The following L3MBTL4 variants were observed in gnomAD, a reference collection of about 807,000 sequenced individuals.
L3MBTL4 encodes lethal(3)malignant brain tumor-like protein 4.
Under a neutral mutation model 84.5 loss-of-function variants are expected in L3MBTL4, and 70 were observed. That is an observed-to-expected ratio of 0.83 (90% CI 0.68 to 1.01). The LOEUF (loss-of-function observed/expected upper bound fraction) is 1.01, where lower values mean the gene tolerates loss of function less well. L3MBTL4 is among the 50% of genes least tolerant of loss of function. L3MBTL4 has a pLI of 0.00. For synonymous variants in L3MBTL4, 274 were observed against 259.8 expected (o/e 1.05, Z -0.52); for missense variants, 715 against 754.8 (o/e 0.95, Z 0.62).
rs149107499 is a variant in L3MBTL4, at chr18:6,275,644, A to G, written c.128-11606T>C. On this transcript the variant is annotated intron_variant, in intron 4 of 18. Transcript: ENST00000317931. The stretch of plus-strand genomic sequence containing the variant: ...TGTGCATGTGGAAACATGCACTAAA[A>G]TGGTACCTTCACATGTGGCAAACTC... Among the ~76,000 whole-genome samples the G allele has an allele frequency of 1.4e-3, 214 of 152,294 alleles. 1 individual carries two copies. The highest frequency in any genetic ancestry group is 5.0e-3 in the African/African-American group (206 of 41,580).
intron 16 of L3MBTL4, among the ~76,000 whole-genome samples, chr18:6,000,113 GA>G (rs990356379): frequency 6.7e-6 from 1 of 149,316 alleles, no homozygotes; most frequent in East Asian, 1.9e-4. Flanking sequence ...AGAAGAAAAA[GA>G]AAAAAAAATG....
intron 16 of L3MBTL4, among the ~76,000 whole-genome samples, chr18:6,071,249 G>C (rs556576715): frequency 6.1e-4 from 93 of 152,002 alleles, no homozygotes; most frequent in African/African-American, 2.0e-3. Flanking sequence ...AAATTAGCTG[G>C]GCATGGTGGT....
At chr18:6,335,631 C>T (rs1266761252) in intron 1 of L3MBTL4, among the ~76,000 whole-genome samples, 1 of 152,098 alleles carries the variant, frequency 6.6e-6, no homozygotes, top group Non-Finnish European at 1.5e-5. Flanking sequence ...CCCCCTAATC[C>T]TCCACATGTC....
intron 14 of L3MBTL4, among the ~76,000 whole-genome samples, chr18:6,101,755 C>CG (rs1360408670): frequency 1.3e-5 from 2 of 152,248 alleles, no homozygotes; most frequent in African/African-American, 2.4e-5. Flanking sequence ...CTCTCCAACT[C>CG]TAATTTATCT....
At chr18:6,152,923 C>T (rs1002902999) in intron 13 of L3MBTL4, among the ~76,000 whole-genome samples, 4 of 152,110 alleles carry the variant, frequency 2.6e-5, no homozygotes, top group Admixed American at 6.5e-5. Flanking sequence ...TGGTGCAAGA[C>T]AAGGGTCCAA....
At chr18:6,238,384 T>A (rs1466383923) in intron 9 of L3MBTL4, among the ~76,000 whole-genome samples, 1 of 152,072 alleles carries the variant, frequency 6.6e-6, no homozygotes, top group African/African-American at 2.4e-5. Flanking sequence ...ATACAAAAAA[T>A]TAGCCAGGTG....
At chr18:6,300,856 T>C (rs1231813429) in intron 4 of L3MBTL4, among the ~76,000 whole-genome samples, 1 of 152,206 alleles carries the variant, frequency 6.6e-6, no homozygotes, top group African/African-American at 2.4e-5. Context: ...ATCCCAGTGT[T>C]ACATAACTGA....
intron 1 of L3MBTL4, among the ~76,000 whole-genome samples, chr18:6,335,939 T>C (rs1223392317): frequency 6.6e-6 from 1 of 152,196 alleles, no homozygotes; most frequent in East Asian, 1.9e-4. Flanking sequence ...GAAAACGGAC[T>C]AATACAAGCT....
At chr18:6,029,866 C>T (rs2055699004) in intron 16 of L3MBTL4, 1 of 982,678 alleles carries the variant, frequency 1.0e-6, no homozygotes, top group Non-Finnish European at 1.2e-6. Context: ...GATAGATTCA[C>T]ACACAGAATC....
At chr18:5,977,707 T>C (rs1271793471) in intron 16 of L3MBTL4, among the ~76,000 whole-genome samples, 1 of 152,148 alleles carries the variant, frequency 6.6e-6, no homozygotes, top group African/African-American at 2.4e-5. Flanking sequence ...TTTCAAGGGA[T>C]CCCCAATCCC....
intron 16 of L3MBTL4, chr18:6,030,501 CT>C (rs112869054): frequency 0.1 from 81,879 of 787,110 alleles, 4 homozygotes; most frequent in Non-Finnish European, 0.11. Flanking sequence ...TGAAGAGACT[CT>C]TTTTTTTTTT....
rs139908740 is a variant in L3MBTL4 at position 6,350,944 on chromosome 18, C to T, written c.-90-38888G>A. On this transcript the variant is annotated intron_variant, in intron 1 of 18. Transcript: ENST00000317931. ...CAGTGGCTCATGCCTGAAATCCCAG[C>T]ACTTTGGGAGGCTAAAGCGGACAGA... is the stretch of plus-strand genomic sequence containing the variant. 3.3e-4 allele frequency among the ~76,000 whole-genome samples: 50 copies of T among 152,326 alleles called. No homozygotes were observed. In the East Asian group the frequency reaches 7.1e-3, roughly 22 times the overall value.
intron 1 of L3MBTL4, among the ~76,000 whole-genome samples, chr18:6,315,188 G>A (rs1358178222): frequency 1.3e-5 from 2 of 151,676 alleles, no homozygotes; most frequent in African/African-American, 4.8e-5. Context: ...ACACTGCACA[G>A]ATCTTAAATG....
At chr18:5,973,230 T>C (rs1313209197) in intron 16 of L3MBTL4, among the ~76,000 whole-genome samples, 1 of 152,080 alleles carries the variant, frequency 6.6e-6, no homozygotes, top group East Asian at 1.9e-4. Flanking sequence ...CACACCTGAG[T>C]GGTCCTGGAA....
intron 16 of L3MBTL4, among the ~76,000 whole-genome samples, chr18:6,022,476 C>A (rs1321274869): frequency 6.6e-6 from 1 of 152,170 alleles, no homozygotes; most frequent in Non-Finnish European, 1.5e-5. Flanking sequence ...ACCTCTGGGA[C>A]AAGTTTATAG....
At chr18:6,087,905 C>T (rs9748581) in intron 15 of L3MBTL4, among the ~76,000 whole-genome samples, 34,840 of 152,022 alleles carry the variant, frequency 0.23, 4,341 homozygotes, top group African/African-American at 0.34. Context: ...TTATATAAGC[C>T]TCACATTTAT....
chr18:6,115,393 A>C (rs1049691147), intron 14 of L3MBTL4, among the ~76,000 whole-genome samples: 29 of 152,202 alleles, frequency 1.9e-4, no homozygotes, highest in Admixed American at 1.3e-4. Context: ...ATCAGAATCT[A>C]TTGACAAGAC....
intron 5 of L3MBTL4, among the ~76,000 whole-genome samples, chr18:6,247,560 C>T (rs1433877904): frequency 6.8e-6 from 1 of 146,732 alleles, no homozygotes; most frequent in Non-Finnish European, 1.5e-5. Context: ...CTCACTGCAA[C>T]CTCCGGCTCC....
At chr18:6,217,665 G>A (rs1018693869) in intron 10 of L3MBTL4, among the ~76,000 whole-genome samples, 2 of 152,138 alleles carry the variant, frequency 1.3e-5, no homozygotes, top group Non-Finnish European at 1.5e-5. Flanking sequence ...CTAGATCATG[G>A]AGTACTTTGC....
Sources: allele counts gnomAD v4.1 joint callset (sites outside exome capture counted in the v4.1 genomes callset), GRCh38; gene constraint gnomAD v4.1.1; transcripts MANE v1.5; gene names NCBI Gene and HGNC (gene_info 2026-07-23, HGNC 2026-07-21).